Variants in OR56A3 observed in about 807,000 individuals in gnomAD.
OR56A3 encodes olfactory receptor 56A3.
Under a neutral mutation model 17.5 loss-of-function variants are expected in OR56A3, and 23 were observed. The observed-to-expected ratio is 1.32, with a 90% CI of 0.95 to 1.87. The LOEUF is 1.87. Among genes scored for constraint, OR56A3 ranks in the 40% most tolerant of loss-of-function variants. OR56A3 has a pLI of 0.00. For missense variants in OR56A3, 366 were observed against 380.1 expected (o/e 0.96, Z 0.31); for synonymous variants, 175 against 150.6 (o/e 1.16, Z -1.19).
chr11:6,002,747 G>C, the OR56A3 span: 1 of 1,614,164 alleles, frequency 6.2e-7, no homozygotes, highest in Non-Finnish European at 8.5e-7. Context: ...CCAGGACCTT[G>C]GGGATGACGG....
rs376950825 is a variant in OR56A3 at position 5,947,110 on chromosome 11, T to C, written c.-36-201T>C. On this transcript the variant is annotated intron_variant, in intron 2 of 2. Transcript: ENST00000641160. ...GGACATTGAATAAAGTAAACATGTA[T>C]AGAGGAATCATGTCACCTCAGACAG... 2.6e-5 allele frequency among the ~76,000 whole-genome samples: 4 copies of C among 152,290 alleles called. No individual in the cohort carries two copies. In the East Asian group the frequency reaches 7.7e-4, roughly 29 times the overall value.
At chr11:6,010,819 G>A in the OR56A3 span, among the ~76,000 whole-genome samples, 1 of 10,268 alleles carries the variant, frequency 9.7e-5, no homozygotes, top group Non-Finnish European at 1.7e-4. Context: ...AGACAGAAAT[G>A]TGTGTGTGTG....
the OR56A3 span, among the ~76,000 whole-genome samples, chr11:6,015,786 T>C: frequency 6.6e-6 from 1 of 152,212 alleles, no homozygotes; most frequent in Non-Finnish European, 1.5e-5. Flanking sequence ...CCCCGTTGTA[T>C]GATGGAAGTA....
rs756923992 is a variant in OR56A3 at position 5,950,133 on chromosome 11, T to A, written c.*1839T>A. The stretch of plus-strand genomic sequence containing the variant: ...ACCACCTCTTAGGAAATATTAAAAA[T>A]CTGAAAGTTTTAACAATATGCTATA... On this transcript the variant is annotated 3_prime_UTR_variant, in exon 3 of 3. Coordinates refer to ENST00000641160, the MANE Select transcript of OR56A3 (RefSeq NM_001003443.3). The A allele has an allele frequency of 2.6e-5, 4 of 152,174 alleles. No individual in the cohort carries two copies. Among genetic ancestry groups the A allele is most frequent in the Non-Finnish European group, 4.4e-5 (3 of 67,998 alleles). The allele number at this position is 152,174 out of a possible 1,614,324, so 9.4% of individuals were successfully genotyped here.
the OR56A3 span, among the ~76,000 whole-genome samples, chr11:6,008,803 A>G: frequency 6.6e-6 from 1 of 152,138 alleles, no homozygotes; most frequent in Non-Finnish European, 1.5e-5. Flanking sequence ...GGAGACCAAA[A>G]TGTAACATAT....
chr11:6,003,149 C>T, the OR56A3 span: 4 of 1,551,862 alleles, frequency 2.6e-6, no homozygotes, highest in South Asian at 1.2e-5. Context: ...CTGTCATCAT[C>T]CTCCCTTATA....
the OR56A3 span, among the ~76,000 whole-genome samples, chr11:5,971,196 A>G: frequency 1.3e-5 from 2 of 152,164 alleles, no homozygotes; most frequent in Non-Finnish European, 1.5e-5. Flanking sequence ...CCACTGACCT[A>G]CTAGGTCATT....
the OR56A3 span, chr11:6,002,586 G>A: frequency 6.8e-6 from 11 of 1,614,092 alleles, no homozygotes; most frequent in African/African-American, 2.7e-5. Context: ...GATGATAGAC[G>A]GGTATCTCAA....
At chr11:5,995,106 G>A in the OR56A3 span, 11 of 589,914 alleles carry the variant, frequency 1.9e-5, no homozygotes, top group Admixed American at 9.8e-5. Flanking sequence ...GCGGCTGGAC[G>A]CAGCCCAGGG....
chr11:5,983,094 A>G, the OR56A3 span, among the ~76,000 whole-genome samples: 1 of 152,010 alleles, frequency 6.6e-6, no homozygotes, highest in African/African-American at 2.4e-5. Context: ...GCTCTTCTCT[A>G]TTCTGCTCTC....
At chr11:5,993,822 T>C in the OR56A3 span, 1 of 304,184 alleles carries the variant, frequency 3.3e-6, no homozygotes, top group South Asian at 3.7e-5. Flanking sequence ...TTTTAACTTC[T>C]GAACTTTTTA....
At chr11:5,968,378 G>A in the OR56A3 span, 7 of 1,613,804 alleles carry the variant, frequency 4.3e-6, no homozygotes, top group Non-Finnish European at 5.9e-6. Context: ...CCATGGCCAG[G>A]AGGAAGAGGA....
rs1028685558 is a variant in OR56A3, at chr11:5,943,597, A to C, written c.-313-1209A>C. On this transcript the variant is annotated intron_variant, in intron 1 of 2. Coordinates refer to ENST00000641160, the MANE Select transcript of OR56A3 (RefSeq NM_001003443.3). ...CATTTCTGAAGTTTAAGTCCCCTTCATACACTGCAAAAGGCTCCTAGAACA... is the reference window on the plus strand; with the variant it reads ...CATTTCTGAAGTTTAAGTCCCCTTCCTACACTGCAAAAGGCTCCTAGAACA... 15 of 152,094 alleles carry C rather than the reference A, an allele frequency of 9.9e-5. No homozygotes were observed. In the East Asian group the frequency reaches 2.9e-3, roughly 29 times the overall value. 9.4% of individuals were successfully genotyped at this position (152,094 alleles called of 1,614,324 possible).
chr11:5,963,150 T>G, the OR56A3 span, among the ~76,000 whole-genome samples: 1 of 152,180 alleles, frequency 6.6e-6, no homozygotes, highest in Non-Finnish European at 1.5e-5. Flanking sequence ...TGTTGATCTT[T>G]TATATATTTT....
the OR56A3 span, among the ~76,000 whole-genome samples, chr11:5,961,001 G>A: frequency 2.6e-5 from 4 of 151,748 alleles, no homozygotes; most frequent in African/African-American, 9.7e-5. Flanking sequence ...CGCCCCATCT[G>A]AGAAGTGAGG....
chr11:5,945,601 A>AAAAAAAAAAAAAG (rs1194101404), intron 2 of OR56A3, among the ~76,000 whole-genome samples: 1 of 137,234 alleles, frequency 7.3e-6, no homozygotes, highest in African/African-American at 2.9e-5. Flanking sequence ...AAAAAAAAAA[A>AAAAAAAAAAAAAG]AATTATTTCT....
chr11:6,005,111 C>G, the OR56A3 span, among the ~76,000 whole-genome samples: 1 of 152,118 alleles, frequency 6.6e-6, no homozygotes, highest in Non-Finnish European at 1.5e-5. Flanking sequence ...AACCTAAAAG[C>G]TATTTCAATT....
chr11:5,975,817 C>G, the OR56A3 span, among the ~76,000 whole-genome samples: 7 of 151,980 alleles, frequency 4.6e-5, no homozygotes, highest in African/African-American at 1.2e-4. Flanking sequence ...AGTTTACAGT[C>G]TCACCAACAG....
the OR56A3 span, among the ~76,000 whole-genome samples, chr11:5,987,160 T>A: frequency 6.6e-6 from 1 of 152,250 alleles, no homozygotes; most frequent in East Asian, 1.9e-4. Context: ...TTTGGAGAGA[T>A]GCTTAAACTC....
Sources: gnomAD v4.1 joint callset for allele counts (sites outside exome capture counted in the v4.1 genomes callset) on GRCh38, gnomAD v4.1.1 for gene constraint, MANE v1.5 for transcripts, NCBI Gene and HGNC (gene_info 2026-07-23, HGNC 2026-07-21) for gene names.